Variants in CDC42BPA observed in about 807,000 individuals in gnomAD.
The protein encoded by CDC42BPA is serine/threonine-protein kinase MRCK alpha.
A neutral mutation model predicts 223.5 loss-of-function variants in CDC42BPA; 80 were observed. The observed-to-expected ratio is 0.36, with a 90% CI of 0.30 to 0.43. The LOEUF (loss-of-function observed/expected upper bound fraction) is 0.43. Ranked by LOEUF, CDC42BPA falls within the 20% of genes least tolerant of loss-of-function variation. CDC42BPA has a pLI of 1.00. For missense variants in CDC42BPA, 1,743 were observed against 2,099.9 expected (o/e 0.83, Z 3.32); for synonymous variants, 694 against 718.6 (o/e 0.97, Z 0.55).
intron 35 of CDC42BPA, among the ~76,000 whole-genome samples, chr1:227,003,171 T>C (rs1006375226): frequency 1.3e-5 from 2 of 152,204 alleles, no homozygotes; most frequent in African/African-American, 2.4e-5. Context: ...ATCAGAAGAC[T>C]TGAATTCAAA....
At chr1:227,206,618 CAGA>C (rs1353208346) in intron 3 of CDC42BPA, among the ~76,000 whole-genome samples, 1 of 152,128 alleles carries the variant, frequency 6.6e-6, no homozygotes, top group Non-Finnish European at 1.5e-5. Context: ...AAGTCATGGT[CAGA>C]AGGATTTTTA....
intron 10 of CDC42BPA, among the ~76,000 whole-genome samples, chr1:227,136,149 G>T (rs969728233): frequency 2.0e-5 from 3 of 151,932 alleles, no homozygotes; most frequent in Admixed American, 6.6e-5. Context: ...AAAGAAAACA[G>T]AGAAAAAAAT....
chr1:227,251,376 A>C (rs530655265), intron 2 of CDC42BPA, among the ~76,000 whole-genome samples: 47 of 152,192 alleles, frequency 3.1e-4, no homozygotes, highest in Non-Finnish European at 4.9e-4. Flanking sequence ...ATCGAAGAAG[A>C]AGCAAGAAAT....
intron 34 of CDC42BPA, among the ~76,000 whole-genome samples, chr1:227,008,545 T>C (rs1664554009): frequency 6.6e-6 from 1 of 152,138 alleles, no homozygotes; most frequent in African/African-American, 2.4e-5. Context: ...TGCCATGCAA[T>C]TGTGAAACTC....
chr1:227,013,017 C>A (rs2183835), intron 34 of CDC42BPA, among the ~76,000 whole-genome samples: 144,857 of 152,210 alleles, frequency 0.95, 68,999 homozygotes, highest in African/African-American at 0.99. Flanking sequence ...AGTCATGTGA[C>A]AATAAAATCT....
intron 34 of CDC42BPA, among the ~76,000 whole-genome samples, chr1:227,008,090 T>A (rs1344926363): frequency 6.6e-6 from 1 of 152,166 alleles, no homozygotes; most frequent in African/African-American, 2.4e-5. Flanking sequence ...CTGACTGTTA[T>A]TACAACAACA....
intron 23 of CDC42BPA, among the ~76,000 whole-genome samples, chr1:227,045,192 T>C (rs1672185624): frequency 6.6e-6 from 1 of 152,208 alleles, no homozygotes; most frequent in Non-Finnish European, 1.5e-5. Flanking sequence ...GTGATAAAAA[T>C]TTCTTTGAGA....
At chr1:227,279,850 A>G (rs1469574011) in intron 1 of CDC42BPA, among the ~76,000 whole-genome samples, 2 of 152,180 alleles carry the variant, frequency 1.3e-5, no homozygotes, top group Non-Finnish European at 2.9e-5. Flanking sequence ...TGAGGTTAGG[A>G]GTTCAAGATC....
intron 23 of CDC42BPA, among the ~76,000 whole-genome samples, chr1:227,046,564 G>A (rs78993602): frequency 0.021 from 3,163 of 152,232 alleles, 125 homozygotes; most frequent in African/African-American, 0.072. Flanking sequence ...CAAAATTAAC[G>A]TATTGCTGAG....
chr1:227,013,408 A>G (rs1478363430), intron 34 of CDC42BPA, among the ~76,000 whole-genome samples: 1 of 151,128 alleles, frequency 6.6e-6, no homozygotes, highest in Admixed American at 6.6e-5. Flanking sequence ...TTTTTTTCTT[A>G]AAGTGGTGGA....
At chr1:227,262,192 G>C (rs1472300788) in intron 1 of CDC42BPA, among the ~76,000 whole-genome samples, 1 of 144,384 alleles carries the variant, frequency 6.9e-6, no homozygotes, top group Non-Finnish European at 1.5e-5. Flanking sequence ...AATGATTCAA[G>C]AGATAGAAGA....
rs1251159976 is a variant in CDC42BPA at position 227,317,865 on chromosome 1, C to A, written c.-683G>T. On this transcript the variant is annotated 5_prime_UTR_variant, in exon 1 of 37. Coordinates refer to ENST00000366766, the MANE Select transcript of CDC42BPA (RefSeq NM_001394014.1). ...GTTTCTCCTCCCGAGGTCCTTCTTTCTTTAAGGCTTTGCAGTCAGTCCTAT... is the reference window on the plus strand; with the variant it reads ...GTTTCTCCTCCCGAGGTCCTTCTTTATTTAAGGCTTTGCAGTCAGTCCTAT... The A allele has an allele frequency of 2.5e-6, 1 of 398,626 alleles. No homozygotes were observed. Among genetic ancestry groups the A allele is most frequent in the Non-Finnish European group, 4.4e-6 (1 of 226,116 alleles). The allele number at this position is 398,626 out of a possible 1,614,324, so 24.7% of individuals were successfully genotyped here. A position where few individuals can be genotyped will look rare whatever the true frequency, so the allele number is the denominator to read the frequency against.
At chr1:227,053,773 T>G (rs571526798) in intron 21 of CDC42BPA, among the ~76,000 whole-genome samples, 1 of 152,304 alleles carries the variant, frequency 6.6e-6, no homozygotes, top group South Asian at 2.1e-4. Context: ...AAGACACATT[T>G]TGGCCCAGTT....
chr1:227,108,878 A>ACTACACACCTACATAC (rs1686402599), intron 14 of CDC42BPA, among the ~76,000 whole-genome samples: 1 of 152,158 alleles, frequency 6.6e-6, no homozygotes, highest in South Asian at 2.1e-4. Context: ...CTACACACCT[A>ACTACACACCTACATAC]GGCTATATGG....
intron 1 of CDC42BPA, among the ~76,000 whole-genome samples, chr1:227,281,761 G>C (rs1009948031): frequency 6.6e-6 from 1 of 152,160 alleles, no homozygotes; most frequent in African/African-American, 2.4e-5. Context: ...AGAGGAGTGA[G>C]ATCAGCACTG....
At position 227,183,916 on chromosome 1, in the gene CDC42BPA, T is replaced by C. The variant is rs371452129; in HGVS notation, c.599+9870A>G. Among the ~76,000 whole-genome samples, 32 of 152,340 alleles carry C rather than the reference T, an allele frequency of 2.1e-4. No individual in the cohort carries two copies. The South Asian group carries it at 3.3e-3, about 16-fold the overall frequency. On this transcript the variant is annotated intron_variant, in intron 5 of 36. Transcript: ENST00000366766. Reference sequence around the variant, plus strand: ...ACAGGTGGGTAATAATATCTCATTATGGTTTTAACTGGCATTTTCGTAAAA... The same window carrying C: ...ACAGGTGGGTAATAATATCTCATTACGGTTTTAACTGGCATTTTCGTAAAA...
chr1:227,082,847 T>C (rs908436533), intron 16 of CDC42BPA, among the ~76,000 whole-genome samples: 3 of 152,138 alleles, frequency 2.0e-5, no homozygotes, highest in African/African-American at 7.2e-5. Context: ...TATTTTACTA[T>C]AGCACTTTTA....
intron 2 of CDC42BPA, among the ~76,000 whole-genome samples, chr1:227,248,493 A>G (rs1406207796): frequency 2.0e-5 from 3 of 152,198 alleles, no homozygotes; most frequent in Non-Finnish European, 4.4e-5. Flanking sequence ...AAAAGAAATG[A>G]AAAAAGTAAT....
intron 2 of CDC42BPA, among the ~76,000 whole-genome samples, chr1:227,233,315 G>A (rs1678379240): frequency 6.6e-6 from 1 of 152,108 alleles, no homozygotes; most frequent in Non-Finnish European, 1.5e-5. Flanking sequence ...AGGATTACAG[G>A]CATGAGCCAC....
Sources: gnomAD v4.1 joint callset for allele counts (sites outside exome capture counted in the v4.1 genomes callset) on GRCh38, gnomAD v4.1.1 for gene constraint, MANE v1.5 for transcripts, NCBI Gene and HGNC (gene_info 2026-07-23, HGNC 2026-07-21) for gene names.